The following FGGY variants were observed in gnomAD, a reference collection of about 807,000 sequenced individuals.
FGGY encodes FGGY carbohydrate kinase domain containing, also known as FGGY carbohydrate kinase domain-containing protein.
In FGGY, 72 loss-of-function variants were observed where a neutral mutation model predicts 71.3. The ratio of observed to expected loss-of-function variants is 1.01; its 90% CI spans 0.84 to 1.23. The LOEUF is 1.23. FGGY is among the 50% of genes most tolerant of loss of function. The pLI is 0.00. For missense variants in FGGY, 668 were observed against 682.3 expected (o/e 0.98, Z 0.23); for synonymous variants, 251 against 250.3 (o/e 1.00, Z -0.02).
At chr1:59,654,346 C>T (rs1252989510) in intron 11 of FGGY, among the ~76,000 whole-genome samples, 1 of 152,156 alleles carries the variant, frequency 6.6e-6, no homozygotes, top group Non-Finnish European at 1.5e-5. Flanking sequence ...CCATCAGCTC[C>T]ACCTTCATTA....
At chr1:59,491,052 T>TTTCCTCCC (rs2093828377) in intron 6 of FGGY, among the ~76,000 whole-genome samples, 1 of 11,618 alleles carries the variant, frequency 8.6e-5, no homozygotes, top group Non-Finnish European at 1.6e-4. Flanking sequence ...CCTTCCTTCC[T>TTTCCTCCC]TCCTTCCTTC....
intron 4 of FGGY, among the ~76,000 whole-genome samples, chr1:59,373,103 A>G (rs573283916): frequency 1.3e-5 from 2 of 152,248 alleles, no homozygotes; most frequent in South Asian, 2.1e-4. Context: ...TCAATTAGGA[A>G]AAGAGGAAGT....
At chr1:59,350,933 T>A (rs1037432072) in intron 4 of FGGY, among the ~76,000 whole-genome samples, 1 of 152,224 alleles carries the variant, frequency 6.6e-6, no homozygotes, top group Non-Finnish European at 1.5e-5. Flanking sequence ...AGTTTTTTGT[T>A]ACATGAGTCT....
chr1:59,468,280 G>T (rs1393626432), intron 6 of FGGY, among the ~76,000 whole-genome samples: 3 of 152,170 alleles, frequency 2.0e-5, no homozygotes, highest in East Asian at 3.9e-4. Context: ...AACAGGCAAT[G>T]AATGTATTTC....
chr1:59,461,632 G>A (rs1168067247), intron 6 of FGGY, among the ~76,000 whole-genome samples: 3 of 152,048 alleles, frequency 2.0e-5, no homozygotes, highest in Non-Finnish European at 4.4e-5. Context: ...CACCAAGGTT[G>A]AAATGAAGGA....
intron 14 of FGGY, among the ~76,000 whole-genome samples, chr1:59,748,313 GA>G (rs2098216969): frequency 6.6e-6 from 1 of 152,096 alleles, no homozygotes; most frequent in Non-Finnish European, 1.5e-5. Flanking sequence ...GGGTTATGAG[GA>G]AAAGAAAATG....
chr1:59,370,954 G>T (rs948461298), intron 4 of FGGY, among the ~76,000 whole-genome samples: 1 of 151,920 alleles, frequency 6.6e-6, no homozygotes, highest in African/African-American at 2.4e-5. Flanking sequence ...GCAAAATCAT[G>T]GCAAAATGTA....
At chr1:59,534,629 T>A (rs2095261046) in intron 7 of FGGY, among the ~76,000 whole-genome samples, 2 of 152,110 alleles carry the variant, frequency 1.3e-5, no homozygotes, top group Non-Finnish European at 2.9e-5. Context: ...TAACAGCGGA[T>A]CTCTTGGCAG....
At chr1:59,388,289 G>A (rs2060308143) in intron 5 of FGGY, among the ~76,000 whole-genome samples, 1 of 152,194 alleles carries the variant, frequency 6.6e-6, no homozygotes, top group African/African-American at 2.4e-5. Context: ...GGAGGTGAAA[G>A]TGTGAGCTCA....
At chr1:59,700,500 G>T (rs562140605) in intron 14 of FGGY, among the ~76,000 whole-genome samples, 1 of 152,188 alleles carries the variant, frequency 6.6e-6, no homozygotes, top group Non-Finnish European at 1.5e-5. Context: ...ATCACAGGTC[G>T]TGTGCAATAA....
intron 8 of FGGY, among the ~76,000 whole-genome samples, chr1:59,565,314 T>G (rs1399513020): frequency 6.6e-6 from 1 of 152,064 alleles, no homozygotes; most frequent in Non-Finnish European, 1.5e-5. Context: ...CAGAGTCTTG[T>G]CGCACTCTTG....
At chr1:59,743,610 T>C (rs1439527973) in intron 14 of FGGY, among the ~76,000 whole-genome samples, 2 of 151,992 alleles carry the variant, frequency 1.3e-5, no homozygotes, top group Non-Finnish European at 1.5e-5. Context: ...ATCTTTTTTT[T>C]TTTTTTCCAG....
intron 14 of FGGY, among the ~76,000 whole-genome samples, chr1:59,727,025 A>T (rs2097955898): frequency 6.6e-6 from 1 of 152,034 alleles, no homozygotes; most frequent in Admixed American, 6.6e-5. Flanking sequence ...GTAGTTTTTC[A>T]ACCCATGTCT....
chr1:59,358,370 A>G, intron 4 of FGGY, among the ~76,000 whole-genome samples: 1 of 152,190 alleles, frequency 6.6e-6, no homozygotes. Flanking sequence ...GGTAACTACT[A>G]GGTACAAAGT....
At chr1:59,728,295 C>T (rs1259340159) in intron 14 of FGGY, among the ~76,000 whole-genome samples, 1 of 152,012 alleles carries the variant, frequency 6.6e-6, no homozygotes, top group African/African-American at 2.4e-5. Context: ...ACATGTAGTG[C>T]AGGTACCTTA....
At chr1:59,601,669 A>G (rs1558506633) in intron 8 of FGGY, among the ~76,000 whole-genome samples, 1 of 152,206 alleles carries the variant, frequency 6.6e-6, no homozygotes, top group African/African-American at 2.4e-5. Context: ...GCCCCAGCCC[A>G]TACTGAATTC....
At chr1:59,728,674 GT>G (rs1431338607) in intron 14 of FGGY, among the ~76,000 whole-genome samples, 1 of 151,670 alleles carries the variant, frequency 6.6e-6, no homozygotes, top group Non-Finnish European at 1.5e-5. Context: ...GGTTAGTGAG[GT>G]TTTTCTTTTA....
intron 5 of FGGY, among the ~76,000 whole-genome samples, chr1:59,397,050 T>TA (rs2061409955): frequency 6.7e-6 from 1 of 150,160 alleles, no homozygotes; most frequent in Admixed American, 6.6e-5. Flanking sequence ...TTTTTTTTTT[T>TA]TAAAAGAAAG....
chr1:59,319,231 T>C (rs1002833202), intron 1 of FGGY, among the ~76,000 whole-genome samples: 2 of 152,214 alleles, frequency 1.3e-5, no homozygotes, highest in African/African-American at 2.4e-5. Flanking sequence ...ATGAGTGCCG[T>C]AGAATGAATA....
Sources: gnomAD v4.1 joint callset for allele counts (sites outside exome capture counted in the v4.1 genomes callset) on GRCh38, gnomAD v4.1.1 for gene constraint, MANE v1.5 for transcripts, NCBI Gene and HGNC (gene_info 2026-07-23, HGNC 2026-07-21) for gene names.